Variants in TRPS1 observed in about 807,000 individuals in gnomAD.
TRPS1 encodes the protein zinc finger transcription factor Trps1.
A neutral mutation model predicts 101.2 loss-of-function variants in TRPS1; 6 were observed. That is an observed-to-expected ratio of 0.06 (90% CI 0.03 to 0.12). The LOEUF (loss-of-function observed/expected upper bound fraction) is 0.12, where lower values mean the gene tolerates loss of function less well. TRPS1 is among the 10% of genes least tolerant of loss of function. TRPS1 has a pLI of 1.00. For missense variants in TRPS1, 1,363 were observed against 1,567.0 expected (o/e 0.87, Z 2.20); for synonymous variants, 578 against 589.8 (o/e 0.98, Z 0.29).
chr8:115,635,381 C>A (rs1369082848), intron 1 of TRPS1, among the ~76,000 whole-genome samples: 3 of 152,116 alleles, frequency 2.0e-5, no homozygotes, highest in Admixed American at 2.0e-4. Flanking sequence ...ATATTGCAAA[C>A]TGACCAAGTG....
At chr8:115,423,801 C>T (rs959070475) in intron 5 of TRPS1, among the ~76,000 whole-genome samples, 1 of 152,042 alleles carries the variant, frequency 6.6e-6, no homozygotes, top group Non-Finnish European at 1.5e-5. Flanking sequence ...GTTAGGAAAC[C>T]CAGATATGAC....
At chr8:115,469,341 T>C (rs1050026885) in intron 5 of TRPS1, among the ~76,000 whole-genome samples, 2 of 152,182 alleles carry the variant, frequency 1.3e-5, no homozygotes, top group Non-Finnish European at 2.9e-5. Flanking sequence ...CATCATTAAC[T>C]GGTGCTAAGA....
chr8:115,646,628 G>C (rs1292475250), intron 1 of TRPS1, among the ~76,000 whole-genome samples: 1 of 152,092 alleles, frequency 6.6e-6, no homozygotes, highest in Non-Finnish European at 1.5e-5. Context: ...AAAATATATG[G>C]TGGACCTAAA....
At chr8:115,575,176 A>G (rs926940224) in intron 5 of TRPS1, among the ~76,000 whole-genome samples, 1 of 152,126 alleles carries the variant, frequency 6.6e-6, no homozygotes, top group African/African-American at 2.4e-5. Context: ...AAGTGGCACT[A>G]TTGATAATAG....
chr8:115,474,649 G>A (rs938818147), intron 5 of TRPS1, among the ~76,000 whole-genome samples: 2 of 151,982 alleles, frequency 1.3e-5, no homozygotes, highest in East Asian at 1.9e-4. Flanking sequence ...CAATGGTGTT[G>A]CAAACTAACC....
chr8:115,609,488 C>T (rs917827284), intron 3 of TRPS1, among the ~76,000 whole-genome samples: 1 of 152,106 alleles, frequency 6.6e-6, no homozygotes, highest in Non-Finnish European at 1.5e-5. Flanking sequence ...AATGAATGAA[C>T]GAAGGGAGAT....
intron 5 of TRPS1, among the ~76,000 whole-genome samples, chr8:115,436,383 G>A (rs752180412): frequency 5.3e-5 from 8 of 152,072 alleles, no homozygotes; most frequent in Non-Finnish European, 1.0e-4. Flanking sequence ...AACAAGTCAC[G>A]TGGAAAATAC....
At chr8:115,490,694 T>C (rs1814999370) in intron 5 of TRPS1, among the ~76,000 whole-genome samples, 1 of 152,176 alleles carries the variant, frequency 6.6e-6, no homozygotes, top group Admixed American at 6.5e-5. Flanking sequence ...AAGAATTCGA[T>C]TGTCTTAGAC....
At chr8:115,443,912 C>T (rs1813667949) in intron 5 of TRPS1, among the ~76,000 whole-genome samples, 1 of 152,156 alleles carries the variant, frequency 6.6e-6, no homozygotes, top group Non-Finnish European at 1.5e-5. Context: ...ACAAATACTT[C>T]AACTTGAGTA....
chr8:115,533,576 G>C (rs1238483580), intron 5 of TRPS1, among the ~76,000 whole-genome samples: 1 of 150,672 alleles, frequency 6.6e-6, no homozygotes, highest in Non-Finnish European at 1.5e-5. Context: ...CTCTACACCT[G>C]CTTTTGCCCC....
At position 115,587,194 on chromosome 8, in the gene TRPS1, T is replaced by A; in HGVS notation, c.2507A>T (p.Gln836Leu). 2 of 1,614,230 alleles carry A rather than the reference T, an allele frequency of 1.2e-6. No individual in the cohort carries two copies. The highest frequency in any genetic ancestry group is 1.7e-6 in the Non-Finnish European group (2 of 1,180,032). The change falls in exon 5 of 7, where the codon CAG becomes CTG. Residue 836 changes from glutamine (Q) to leucine (L), a missense_variant. This residue lies in a region of TRPS1 where 1,020 missense variants were observed against 1,073.0 expected (regional missense o/e 0.95). Transcript: ENST00000395715. Reference sequence around the variant, plus strand: ...GGGACTATCCCTTAGAGTCTTTGTCTGCTCTTGGGTGCCAGACACAGGCGT... The same window carrying A: ...GGGACTATCCCTTAGAGTCTTTGTCAGCTCTTGGGTGCCAGACACAGGCGT... ...LLTPVSGTQEQTKTLRDSPNV... is the reference protein window; with the variant it reads ...LLTPVSGTQELTKTLRDSPNV...
At chr8:115,601,894 A>G (rs758879077) in intron 4 of TRPS1, among the ~76,000 whole-genome samples, 3 of 152,240 alleles carry the variant, frequency 2.0e-5, no homozygotes, top group Non-Finnish European at 4.4e-5. Flanking sequence ...TCGTGCAGAT[A>G]CAGTGGTGAA....
chr8:115,644,028 A>T (rs1203970511), intron 1 of TRPS1, among the ~76,000 whole-genome samples: 2 of 152,214 alleles, frequency 1.3e-5, no homozygotes, highest in Non-Finnish European at 2.9e-5. Flanking sequence ...TCAACAGTGC[A>T]CTTCAACTAT....
chr8:115,525,377 T>C (rs1233326241), intron 5 of TRPS1, among the ~76,000 whole-genome samples: 2 of 152,118 alleles, frequency 1.3e-5, no homozygotes, highest in Non-Finnish European at 2.9e-5. Context: ...AAGAAGAAGC[T>C]GTATTCTATC....
In TRPS1 at chr8:115,484,066, C is replaced by A. The variant is rs3808419; in HGVS notation, c.2701-65614G>T. 2.3e-3 allele frequency among the ~76,000 whole-genome samples: 353 copies of A among 152,182 alleles called. 7 individuals are homozygous for A. In the East Asian group the frequency reaches 0.057, roughly 24 times the overall value. On this transcript the variant is annotated intron_variant, in intron 5 of 6. Coordinates refer to ENST00000395715, the MANE Select transcript of TRPS1 (RefSeq NM_014112.5). Reference sequence around the variant, plus strand: ...TTCTGGAGAAAAATATAACAATCTTCTTCTTGTTACAGAATGGGATGAGGT... The same window carrying A: ...TTCTGGAGAAAAATATAACAATCTTATTCTTGTTACAGAATGGGATGAGGT...
At chr8:115,542,890 T>C (rs1816486514) in intron 5 of TRPS1, among the ~76,000 whole-genome samples, 1 of 152,226 alleles carries the variant, frequency 6.6e-6, no homozygotes, top group Non-Finnish European at 1.5e-5. Context: ...GAAATAATCA[T>C]AGTTCCATGA....
intron 1 of TRPS1, among the ~76,000 whole-genome samples, chr8:115,652,235 C>G (rs952270003): frequency 1.3e-5 from 2 of 152,134 alleles, no homozygotes; most frequent in African/African-American, 4.8e-5. Flanking sequence ...TGGGGCTTGG[C>G]TTCCATGAGG....
intron 4 of TRPS1, among the ~76,000 whole-genome samples, chr8:115,588,565 T>C (rs1292393232): frequency 6.6e-6 from 1 of 152,168 alleles, no homozygotes; most frequent in Non-Finnish European, 1.5e-5. Context: ...AGGGCAAATA[T>C]TTGATTAAAA....
At chr8:115,429,462 C>T (rs1464335341) in intron 5 of TRPS1, among the ~76,000 whole-genome samples, 2 of 152,178 alleles carry the variant, frequency 1.3e-5, no homozygotes, top group Non-Finnish European at 2.9e-5. Flanking sequence ...GAGCCTTACT[C>T]GCACCCGGCT....
Sources: allele counts gnomAD v4.1 joint callset (sites outside exome capture counted in the v4.1 genomes callset), GRCh38; gene constraint gnomAD v4.1.1; regional missense constraint gnomAD v4.1.1; transcripts MANE v1.5; gene names NCBI Gene and HGNC (gene_info 2026-07-23, HGNC 2026-07-21).